The following SYN3 variants were observed in gnomAD, a reference collection of about 807,000 sequenced individuals.
SYN3 encodes the protein synapsin III.
A neutral mutation model predicts 65.8 loss-of-function variants in SYN3; 35 were observed. The observed-to-expected ratio is 0.53, with a 90% confidence interval of 0.41 to 0.70. SYN3 has a LOEUF of 0.70. Among genes scored for constraint, SYN3 ranks in the 30% least tolerant of loss-of-function variants. The pLI is 0.00. For missense variants in SYN3, 680 were observed against 749.0 expected (o/e 0.91, Z 1.08); for synonymous variants, 270 against 292.9 (o/e 0.92, Z 0.80).
At chr22:32,797,477 G>C (rs986524090) in intron 6 of SYN3, among the ~76,000 whole-genome samples, 1 of 152,068 alleles carries the variant, frequency 6.6e-6, no homozygotes, top group African/African-American at 2.4e-5. Flanking sequence ...TCTAAGCTGA[G>C]GTCTGAAGGA....
intron 3 of SYN3, among the ~76,000 whole-genome samples, chr22:32,966,706 G>A (rs2051857111): frequency 6.6e-6 from 1 of 152,152 alleles, no homozygotes; most frequent in Non-Finnish European, 1.5e-5. Context: ...CTTGAGCACA[G>A]GAGTTTGAGA....
intron 10 of SYN3, among the ~76,000 whole-genome samples, chr22:32,532,806 G>C (rs945242923): frequency 6.6e-6 from 1 of 152,180 alleles, no homozygotes; most frequent in Non-Finnish European, 1.5e-5. Flanking sequence ...GGGAGGGGAC[G>C]GCCGCAGGGC....
rs905695145 is a variant in SYN3, at chr22:32,679,482, T to G, written c.712-82746A>C. On this transcript the variant is annotated intron_variant, in intron 6 of 13. Coordinates refer to ENST00000358763, the MANE Select transcript of SYN3 (RefSeq NM_003490.4). ...TTTGAGATCCTGATCTCAATTCTTTTGGATATATATCCAGAAGAGGGATTG... is the reference window on the plus strand; with the variant it reads ...TTTGAGATCCTGATCTCAATTCTTTGGGATATATATCCAGAAGAGGGATTG... Among the ~76,000 whole-genome samples the G allele has an allele frequency of 5.7e-3, 865 of 152,358 alleles. 10 individuals are homozygous for G. The highest frequency in any genetic ancestry group is 0.019 in the African/African-American group (799 of 41,590).
chr22:32,554,719 T>A (rs1417196929), intron 7 of SYN3, among the ~76,000 whole-genome samples: 1 of 152,188 alleles, frequency 6.6e-6, no homozygotes, highest in Non-Finnish European at 1.5e-5. Context: ...GCATTAGGAA[T>A]AAGACCCCCT....
chr22:32,656,514 C>CTTG (rs2060144092), intron 6 of SYN3, among the ~76,000 whole-genome samples: 1 of 152,096 alleles, frequency 6.6e-6, no homozygotes, highest in Admixed American at 6.5e-5. Context: ...CCAGCATGTG[C>CTTG]TTGTCTTGGG....
At chr22:32,937,022 T>C (rs2050793437) in intron 3 of SYN3, among the ~76,000 whole-genome samples, 1 of 152,128 alleles carries the variant, frequency 6.6e-6, no homozygotes, top group Non-Finnish European at 1.5e-5. Context: ...TTTAAAGGAA[T>C]CTAACAAAAC....
intron 7 of SYN3, among the ~76,000 whole-genome samples, chr22:32,578,351 A>T (rs1018447443): frequency 6.6e-5 from 10 of 151,840 alleles, no homozygotes; most frequent in Non-Finnish European, 1.2e-4. Context: ...TATTCAGGTG[A>T]TCCTCCCACC....
At chr22:32,973,426 A>G (rs555401740) in intron 3 of SYN3, among the ~76,000 whole-genome samples, 1 of 152,142 alleles carries the variant, frequency 6.6e-6, no homozygotes, top group Non-Finnish European at 1.5e-5. Flanking sequence ...CCCCCGCCAA[A>G]AAAGAAAAAG....
At chr22:32,563,098 G>A (rs1180339626) in intron 7 of SYN3, among the ~76,000 whole-genome samples, 1 of 152,244 alleles carries the variant, frequency 6.6e-6, no homozygotes, top group Non-Finnish European at 1.5e-5. Context: ...CTGACTCACC[G>A]ATTGCCATAA....
At chr22:32,782,739 C>T (rs965891906) in intron 6 of SYN3, among the ~76,000 whole-genome samples, 4 of 151,652 alleles carry the variant, frequency 2.6e-5, no homozygotes, top group African/African-American at 7.3e-5. Context: ...GGATGGCCTC[C>T]ATCTCCTGAC....
chr22:32,981,384 G>A lies in SYN3; in HGVS notation c.312-682C>T, dbSNP rs544051524. ...GTGGATTGCCTGAGGTGAGGAGTTC[G>A]AGACCAGTCTGACCAACATGGAGAA... On this transcript the variant is annotated intron_variant, in intron 2 of 13. Coordinates refer to ENST00000358763, the MANE Select transcript of SYN3 (RefSeq NM_003490.4). Among the ~76,000 whole-genome samples the A allele has an allele frequency of 3.8e-4, 58 of 151,526 alleles. No homozygotes were observed. The East Asian group carries it at 0.01, about 27-fold the overall frequency.
intron 12 of SYN3, among the ~76,000 whole-genome samples, chr22:32,523,343 T>C (rs1479449238): frequency 6.6e-6 from 1 of 152,072 alleles, no homozygotes; most frequent in African/African-American, 2.4e-5. Flanking sequence ...ACGTCCCTTC[T>C]CTACTGAAAA....
At chr22:32,564,365 C>G (rs1157085582) in intron 7 of SYN3, among the ~76,000 whole-genome samples, 3 of 152,198 alleles carry the variant, frequency 2.0e-5, no homozygotes, top group African/African-American at 7.2e-5. Context: ...TACTGGGAAT[C>G]TGGCTTCGCA....
rs11089595 is a variant in SYN3, at chr22:32,834,363, G to C, written c.711+30552C>G. ...TTTTTAGTAGAAACGGGGTTCCACC[G>C]TGTTGGCCAGGCTGGTCTCAAACTC... On this transcript the variant is annotated intron_variant, in intron 6 of 13. Coordinates refer to ENST00000358763, the MANE Select transcript of SYN3 (RefSeq NM_003490.4). Among the ~76,000 whole-genome samples the C allele has an allele frequency of 1.2e-4, 18 of 151,262 alleles. No homozygotes were observed. The East Asian group carries it at 3.5e-3, about 29-fold the overall frequency.
intron 4 of SYN3, among the ~76,000 whole-genome samples, chr22:32,885,303 A>C (rs535304307): frequency 5.3e-5 from 8 of 152,346 alleles, no homozygotes; most frequent in Admixed American, 3.9e-4. Flanking sequence ...CACAGGGCCG[A>C]GTAAATCAGA....
At chr22:32,543,304 A>G (rs1016447557) in intron 7 of SYN3, among the ~76,000 whole-genome samples, 1 of 152,186 alleles carries the variant, frequency 6.6e-6, no homozygotes, top group South Asian at 2.1e-4. Flanking sequence ...TGACTTGCTC[A>G]AGGTTATAAA....
intron 6 of SYN3, among the ~76,000 whole-genome samples, chr22:32,805,015 G>A (rs575526832): frequency 1.9e-5 from 1 of 52,202 alleles, no homozygotes; most frequent in African/African-American, 1.6e-4. Flanking sequence ...TTCTGAAAAT[G>A]TGCGTGTGTG....
intron 3 of SYN3, among the ~76,000 whole-genome samples, chr22:32,948,795 C>T (rs1375626876): frequency 6.7e-6 from 1 of 150,064 alleles, no homozygotes; most frequent in African/African-American, 2.5e-5. Flanking sequence ...CTTCTTATTT[C>T]ATGTTCGTTG....
chr22:32,866,290 C>T (rs983668962), intron 5 of SYN3, among the ~76,000 whole-genome samples: 2 of 152,164 alleles, frequency 1.3e-5, no homozygotes, highest in Non-Finnish European at 1.5e-5. Context: ...TCTGCATCCA[C>T]CCAAGATTGG....
Sources: allele counts gnomAD v4.1 joint callset (sites outside exome capture counted in the v4.1 genomes callset), GRCh38; gene constraint gnomAD v4.1.1; transcripts MANE v1.5; gene names NCBI Gene and HGNC (gene_info 2026-07-23, HGNC 2026-07-21).